Variants in CEP44 observed in about 807,000 individuals in gnomAD.
The protein encoded by CEP44 is centrosomal protein of 44 kDa.
In CEP44, 45 loss-of-function variants were observed where a neutral mutation model predicts 46.7. The ratio of observed to expected loss-of-function variants is 0.96; its 90% CI spans 0.76 to 1.24. CEP44 has a LOEUF of 1.24. Ranked by LOEUF, CEP44 falls within the 50% of genes most tolerant of loss-of-function variation. CEP44 has a pLI of 0.00. For missense variants in CEP44, 475 were observed against 459.7 expected (o/e 1.03, Z -0.30); for synonymous variants, 142 against 146.0 (o/e 0.97, Z 0.20).
chr4:174,304,108 A>G, intron 5 of CEP44, 139 bp from the exon 6 acceptor site: 1 of 1,088,132 alleles, frequency 9.2e-7, no homozygotes, highest in South Asian at 1.9e-5. Flanking sequence ...TTAGTTTTTA[A>G]AAGTCATGTA....
At position 174,312,266 on chromosome 4, in the gene CEP44, GT is replaced by G. The variant is rs879420460; in HGVS notation, c.961+1420del. Among the ~76,000 whole-genome samples the G allele has an allele frequency of 1.6e-3, 235 of 145,560 alleles. 1 individual carries two copies. Among genetic ancestry groups the G allele is most frequent in the African/African-American group, 5.5e-3 (221 of 39,948 alleles). Reference sequence around the variant, plus strand: ...ACCTATTTAGAAAACACATGGCTAAGTTTTTTTTTTTTAATTTTTTAATTTT... The same window carrying G: ...ACCTATTTAGAAAACACATGGCTAAGTTTTTTTTTTTAATTTTTTAATTTT... On this transcript the variant is annotated intron_variant, in intron 9 of 11. Coordinates refer to ENST00000503780, the MANE Select transcript of CEP44 (RefSeq NM_001040157.3). This position sits in a 1 kb window ranked among gnomAD's most constrained non-coding sequence, Gnocchi z 4.5.
intron 8 of CEP44, among the ~76,000 whole-genome samples, chr4:174,327,860 A>G (rs1035182388): frequency 2.6e-5 from 4 of 152,208 alleles, no homozygotes; most frequent in African/African-American, 9.6e-5. Flanking sequence ...AGTAATATCA[A>G]TACCACCTAC....
rs1054968387 is a variant in CEP44 at position 174,329,367 on chromosome 4, TAGG to T, written c.1087-2112_1087-2110del. Reference sequence around the variant, plus strand: ...ACACACACACACACACACATTTTAATAGGAGTTAATTATAAGAATTTTTAGAAA... The same window carrying T: ...ACACACACACACACACACATTTTAATAGTTAATTATAAGAATTTTTAGAAA... On this transcript the variant is annotated intron_variant, in intron 8 of 8. Coordinates refer to the CEP44 transcript ENST00000426172. This position sits in a 1 kb window ranked among gnomAD's most constrained non-coding sequence, Gnocchi z 4.0. 2.6e-5 allele frequency among the ~76,000 whole-genome samples: 4 copies of T among 151,894 alleles called. No homozygotes were observed. The highest frequency in any genetic ancestry group is 5.9e-5 in the Non-Finnish European group (4 of 67,938).
intron 4 of CEP44, among the ~76,000 whole-genome samples, chr4:174,303,429 A>C (rs1739990547): frequency 6.6e-6 from 1 of 152,148 alleles, no homozygotes; most frequent in African/African-American, 2.4e-5. Flanking sequence ...AGATATTTAC[A>C]CTTTTTGATG....
intron 4 of CEP44, among the ~76,000 whole-genome samples, chr4:174,302,389 T>TA (rs1299148563): frequency 6.6e-6 from 1 of 152,154 alleles, no homozygotes; most frequent in Admixed American, 6.5e-5. Context: ...TTCTAATAAA[T>TA]ACAGCAACTG....
chr4:174,300,173 A>G (rs1739550851), intron 3 of CEP44, among the ~76,000 whole-genome samples: 1 of 152,176 alleles, frequency 6.6e-6, no homozygotes. Flanking sequence ...ATAAGAATGG[A>G]TATCCATATA....
chr4:174,316,557 A>C lies in CEP44; in HGVS notation c.1114A>C (p.Met372Leu). Residue 372 changes from methionine (M) to leucine (L), a missense_variant, in exon 11 of 12, where the codon ATG becomes CTG. By Grantham distance (15) the Met-to-Leu change is conservative (BLOSUM62 2). Transcript: ENST00000503780. Reference protein sequence around the residue: ...EETTIQKMERMKKMFEETAEL... With the variant: ...EETTIQKMERLKKMFEETAEL... Reference sequence around the variant, plus strand: ...AACAACAATCCAGAAAATGGAAAGGATGAAAAAAATGTAAGTAACAGAAAG... The same window carrying C: ...AACAACAATCCAGAAAATGGAAAGGCTGAAAAAAATGTAAGTAACAGAAAG... 1 of 1,590,032 alleles carries C rather than the reference A, an allele frequency of 6.3e-7. No homozygotes were observed. The highest frequency in any genetic ancestry group is 1.1e-5 in the South Asian group (1 of 87,320).
rs1024637621 is a variant in CEP44, at chr4:174,317,700, T to G, written c.*317T>G. On this transcript the variant is annotated 3_prime_UTR_variant, in exon 12 of 12. Transcript: ENST00000503780. The stretch of plus-strand genomic sequence containing the variant: ...TTGTTGGCAGTGTGCTAAGTAATGT[T>G]TTTTAAAGCACAGGCTTGAGGACTA... The G allele has an allele frequency of 1.4e-4, 142 of 999,284 alleles. No homozygotes were observed. Among genetic ancestry groups the G allele is most frequent in the Non-Finnish European group, 1.7e-4 (141 of 838,766 alleles). 61.9% of individuals were successfully genotyped at this position (999,284 alleles called of 1,614,324 possible). A position where few individuals can be genotyped will look rare whatever the true frequency, so the allele number is the denominator to read the frequency against.
At chr4:174,284,926 CA>C (rs1259484814) in intron 1 of CEP44, among the ~76,000 whole-genome samples, 1 of 152,150 alleles carries the variant, frequency 6.6e-6, no homozygotes, top group Non-Finnish European at 1.5e-5. Flanking sequence ...TCATTCTAAA[CA>C]AAAATCACTC....
intron 4 of CEP44, among the ~76,000 whole-genome samples, chr4:174,303,147 T>C (rs1315865393): frequency 2.6e-5 from 4 of 152,090 alleles, no homozygotes; most frequent in Admixed American, 2.6e-4. Context: ...GTAGTCTCTG[T>C]TTAATCTTTC....
chr4:174,307,219 G>T (rs1384571339), intron 6 of CEP44, among the ~76,000 whole-genome samples: 4 of 151,944 alleles, frequency 2.6e-5, no homozygotes, highest in Non-Finnish European at 4.4e-5. Context: ...CTATACTACA[G>T]GGCTACAGTA....
At position 174,286,536 on chromosome 4, in the gene CEP44, G is replaced by A. The variant is rs568896735; in HGVS notation, c.-148+2593G>A. On this transcript the variant is annotated intron_variant, in intron 1 of 11. Transcript: ENST00000503780. The surrounding 1 kb of genome is among the most constrained non-coding windows in gnomAD (Gnocchi z 5.2). ...ACTTTTCTTCTATGAAGTGTCCATG[G>A]ACAGTTGTGGTAGATGTTTTTATGT... 6.6e-6 allele frequency among the ~76,000 whole-genome samples: 1 copy of A among 152,304 alleles called. No homozygotes were observed. Among genetic ancestry groups the A allele is most frequent in the South Asian group, 2.1e-4 (1 of 4,822 alleles).
At chr4:174,284,833 C>T (rs1036862648) in intron 1 of CEP44, among the ~76,000 whole-genome samples, 3 of 152,040 alleles carry the variant, frequency 2.0e-5, no homozygotes, top group African/African-American at 7.3e-5. Context: ...GTTTTTGATA[C>T]GTGTTTTTAG....
In CEP44 at chr4:174,314,905, A is replaced by C. The variant is rs1009980167; in HGVS notation, c.962-1261A>C. Reference sequence around the variant, plus strand: ...CCAGAGAATTCCAGTTCAAAGTGTGATGAGTCAAATTACATTCTCTCTCTT... The same window carrying C: ...CCAGAGAATTCCAGTTCAAAGTGTGCTGAGTCAAATTACATTCTCTCTCTT... On this transcript the variant is annotated intron_variant, in intron 9 of 11. Coordinates refer to ENST00000503780, the MANE Select transcript of CEP44 (RefSeq NM_001040157.3). This position sits in a 1 kb window ranked among gnomAD's most constrained non-coding sequence, Gnocchi z 4.1. 6.6e-6 allele frequency among the ~76,000 whole-genome samples: 1 copy of C among 152,208 alleles called. No homozygotes were observed. The highest frequency in any genetic ancestry group is 2.4e-5 in the African/African-American group (1 of 41,462).
intron 7 of CEP44, 113 bp downstream of exon 7, chr4:174,308,972 A>G: frequency 2.2e-6 from 2 of 908,974 alleles, no homozygotes; most frequent in Non-Finnish European, 1.7e-6. Flanking sequence ...ATTAATCATG[A>G]CATTTTATCT....
Position 174,318,007 on chromosome 4 carries a change from A to G in CEP44, c.*624A>G, listed in dbSNP as rs1040314833. 1.2e-5 allele frequency: 12 copies of G among 984,874 alleles called. No individual in the cohort carries two copies. Among genetic ancestry groups the G allele is most frequent in the African/African-American group, 1.7e-5 (1 of 57,356 alleles). 61.0% of individuals were successfully genotyped at this position (984,874 alleles called of 1,614,324 possible). On this transcript the variant is annotated 3_prime_UTR_variant, in exon 12 of 12. Transcript: ENST00000503780. ...TCCTCAAGTTTAGACCAAGAGGACT[A>G]TGGTCTCAAGGTTCACCATGAGAAA...
chr4:174,284,276 G>C, intron 1 of CEP44: 1 of 391,440 alleles, frequency 2.6e-6, no homozygotes, highest in African/African-American at 2.1e-5. Flanking sequence ...AATGGCGGGA[G>C]GGGAGCCTTG....
At chr4:174,306,124 C>T (rs1282389810) in intron 6 of CEP44, among the ~76,000 whole-genome samples, 1 of 152,020 alleles carries the variant, frequency 6.6e-6, no homozygotes, top group African/African-American at 2.4e-5. Flanking sequence ...CCTATTTGCG[C>T]TTCTGAGTCA....
rs1740977413 is a variant in CEP44, at chr4:174,310,628, TAGG to T, written c.886-153_886-151del. On this transcript the variant is annotated intron_variant, in intron 8 of 11. Coordinates refer to ENST00000503780, the MANE Select transcript of CEP44 (RefSeq NM_001040157.3). The surrounding 1 kb of genome is among the most constrained non-coding windows in gnomAD (Gnocchi z 4.2). The stretch of plus-strand genomic sequence containing the variant: ...CCATATTTAAAACATTTCTTATATG[TAGG>T]AATATGCAGTATATGTATTGCTTTA... Among the ~76,000 whole-genome samples, 1 of 151,992 alleles carries T rather than the reference TAGG, an allele frequency of 6.6e-6. No homozygotes were observed. Among genetic ancestry groups the T allele is most frequent in the African/African-American group, 2.4e-5 (1 of 41,442 alleles).
Sources: gnomAD v4.1 joint callset for allele counts (sites outside exome capture counted in the v4.1 genomes callset) on GRCh38, gnomAD v4.1.1 for gene constraint, Gnocchi (gnomAD v3.1) non-coding constraint, MANE v1.5 for transcripts, NCBI Gene and HGNC (gene_info 2026-07-23, HGNC 2026-07-21) for gene names.